Variants in ADARB2 observed in about 807,000 individuals in gnomAD.
ADARB2 encodes the protein adenosine deaminase RNA specific B2 (inactive).
Under a neutral mutation model 62.2 loss-of-function variants are expected in ADARB2, and 25 were observed. The observed-to-expected ratio is 0.40, with a 90% CI of 0.29 to 0.56. The LOEUF (loss-of-function observed/expected upper bound fraction) is 0.56, where lower values mean the gene tolerates loss of function less well. ADARB2 is among the 20% of genes least tolerant of loss of function. The probability of loss-of-function intolerance (pLI) is 0.43; values close to 1 mark genes in which losing one functional copy is unlikely to be tolerated. For missense variants in ADARB2, 1,071 were observed against 1,077.4 expected, an observed-to-expected ratio of 0.99 and a Z score of 0.08; for synonymous variants, 572 against 500.8, an observed-to-expected ratio of 1.14 and a Z score of -1.90.
intron 3 of ADARB2, among the ~76,000 whole-genome samples, chr10:1,295,176 G>A (rs943960047): frequency 6.6e-6 from 1 of 152,180 alleles, no homozygotes; most frequent in Non-Finnish European, 1.5e-5. Context: ...TGCAGAGCTC[G>A]ACATATGACG....
At chr10:1,645,571 T>G (rs970066616) in intron 1 of ADARB2, among the ~76,000 whole-genome samples, 4 of 152,236 alleles carry the variant, frequency 2.6e-5, no homozygotes, top group African/African-American at 9.6e-5. Context: ...GGTCTAAGGA[T>G]GCCTCAGTCA....
At chr10:1,501,667 C>G (rs1379516688) in intron 1 of ADARB2, among the ~76,000 whole-genome samples, 1 of 152,212 alleles carries the variant, frequency 6.6e-6, no homozygotes, top group African/African-American at 2.4e-5. Context: ...GAATATATTG[C>G]TCGCCAGTAG....
chr10:1,594,087 C>T (rs1032558778), intron 1 of ADARB2, among the ~76,000 whole-genome samples: 3 of 152,034 alleles, frequency 2.0e-5, no homozygotes, highest in Admixed American at 1.3e-4. Context: ...GTCAGGAGTT[C>T]GGGACCAGCC....
intron 1 of ADARB2, among the ~76,000 whole-genome samples, chr10:1,651,987 C>A (rs1047872419): frequency 6.6e-6 from 1 of 152,220 alleles, no homozygotes; most frequent in African/African-American, 2.4e-5. Flanking sequence ...AAATGGTTTT[C>A]AATACAGAGA....
At chr10:1,601,451 T>G (rs1833411770) in intron 1 of ADARB2, among the ~76,000 whole-genome samples, 2 of 152,220 alleles carry the variant, frequency 1.3e-5, no homozygotes, top group Non-Finnish European at 2.9e-5. Context: ...CCTTGCCAAA[T>G]GCATTCAATT....
In ADARB2 at chr10:1,535,252, G is replaced by A. The variant is rs117494990; in HGVS notation, c.101-156092C>T. On this transcript the variant is annotated intron_variant, in intron 1 of 9. Transcript: ENST00000381312. Reference sequence around the variant, plus strand: ...ACATCAGCTCTTCTCTCCTCCAGCTGAGCAAATGTAAGCTGTCCAGGAGAA... The same window carrying A: ...ACATCAGCTCTTCTCTCCTCCAGCTAAGCAAATGTAAGCTGTCCAGGAGAA... Among the ~76,000 whole-genome samples the A allele has an allele frequency of 2.4e-3, 363 of 152,264 alleles. 5 individuals carry two copies. In the South Asian group the frequency reaches 0.027, roughly 11 times the overall value.
chr10:1,514,682 A>G (rs975284194), intron 1 of ADARB2, among the ~76,000 whole-genome samples: 12 of 152,060 alleles, frequency 7.9e-5, no homozygotes, highest in African/African-American at 2.9e-4. Flanking sequence ...TTTTGATTGA[A>G]TTAGAGTTGT....
chr10:1,574,033 G>A (rs1012544558), intron 1 of ADARB2, among the ~76,000 whole-genome samples: 9 of 152,186 alleles, frequency 5.9e-5, no homozygotes, highest in African/African-American at 2.2e-4. Flanking sequence ...ATTTTTTGAA[G>A]ATCAAAGTGT....
At chr10:1,472,626 C>T (rs1039990761) in intron 1 of ADARB2, among the ~76,000 whole-genome samples, 2 of 152,226 alleles carry the variant, frequency 1.3e-5, no homozygotes, top group Admixed American at 1.3e-4. Flanking sequence ...GCCTCCTGGT[C>T]TCACAATCTA....
intron 4 of ADARB2, among the ~76,000 whole-genome samples, chr10:1,270,319 A>G (rs1831248730): frequency 6.6e-6 from 1 of 152,228 alleles, no homozygotes; most frequent in Non-Finnish European, 1.5e-5. Context: ...TTTCACAGTA[A>G]TGACTCCCAA....
chr10:1,358,228 G>C (rs1832215552), intron 3 of ADARB2, among the ~76,000 whole-genome samples: 1 of 152,228 alleles, frequency 6.6e-6, no homozygotes, highest in Non-Finnish European at 1.5e-5. Flanking sequence ...TGTGGGGACA[G>C]AGGATGAACC....
intron 1 of ADARB2, among the ~76,000 whole-genome samples, chr10:1,723,001 T>G (rs567449840): frequency 2.0e-4 from 30 of 152,318 alleles, no homozygotes; most frequent in African/African-American, 7.0e-4. Flanking sequence ...TATATTCATA[T>G]TCATGTGTAC....
At chr10:1,293,679 T>C (rs1831498509) in intron 3 of ADARB2, among the ~76,000 whole-genome samples, 1 of 152,260 alleles carries the variant, frequency 6.6e-6, no homozygotes, top group Admixed American at 6.5e-5. Context: ...ATGTGTATCT[T>C]CATTCCCCAC....
intron 1 of ADARB2, among the ~76,000 whole-genome samples, chr10:1,672,588 CT>C (rs1564364037): frequency 1.3e-5 from 2 of 152,248 alleles, no homozygotes; most frequent in East Asian, 3.9e-4. Context: ...CTTCGCCTTC[CT>C]CCCTCCAAGC....
At chr10:1,446,766 T>C (rs1830976683) in intron 1 of ADARB2, among the ~76,000 whole-genome samples, 4 of 152,202 alleles carry the variant, frequency 2.6e-5, no homozygotes, top group Admixed American at 2.6e-4. Flanking sequence ...GTTCGCCTAT[T>C]ATAGTGCTTG....
intron 5 of ADARB2, among the ~76,000 whole-genome samples, chr10:1,241,205 G>A (rs979162579): frequency 6.6e-6 from 1 of 152,126 alleles, no homozygotes. Context: ...GTTGCAGTGG[G>A]CCAAGATAAT....
At chr10:1,470,832 G>A (rs956285796) in intron 1 of ADARB2, among the ~76,000 whole-genome samples, 3 of 152,140 alleles carry the variant, frequency 2.0e-5, no homozygotes, top group East Asian at 1.9e-4. Flanking sequence ...AGGCTGAGGC[G>A]GGTGGATCAC....
intron 7 of ADARB2, among the ~76,000 whole-genome samples, chr10:1,206,475 A>G (rs1837068278): frequency 1.4e-5 from 2 of 147,618 alleles, no homozygotes; most frequent in East Asian, 4.0e-4. Context: ...TGTGCGTCTG[A>G]GAGAACTGCG....
At chr10:1,573,971 G>A (rs910437519) in intron 1 of ADARB2, among the ~76,000 whole-genome samples, 2 of 152,194 alleles carry the variant, frequency 1.3e-5, no homozygotes, top group Non-Finnish European at 2.9e-5. Flanking sequence ...ACCTTTTGGG[G>A]CCTTTGTTTC....
Sources: allele counts gnomAD v4.1 joint callset (sites outside exome capture counted in the v4.1 genomes callset), GRCh38; gene constraint gnomAD v4.1.1; transcripts MANE v1.5; gene names NCBI Gene and HGNC (gene_info 2026-07-23, HGNC 2026-07-21).